GGTA1: variants seen among roughly 807,000 people sequenced by gnomAD.
GGTA1 encodes the protein glycoprotein alpha-galactosyltransferase 1 (inactive).
GGTA1 carries 5 observed loss-of-function variants against 2.6 expected under a neutral mutation model. The observed-to-expected ratio is 1.92, with a 90% confidence interval of 1.00 to 4.04. The LOEUF is 4.04. GGTA1 is among the 30% of genes most tolerant of loss of function. The probability of loss-of-function intolerance (pLI) is 0.00; values close to 1 mark genes in which losing one functional copy is unlikely to be tolerated. For missense variants in GGTA1, 50 were observed against 16.7 expected (o/e 2.99, Z -3.47); for synonymous variants, 17 against 5.0 (o/e 3.38, Z -3.19).
At chr9:121,475,756 G>A (rs1468543165) in intron 1 of GGTA1, among the ~76,000 whole-genome samples, 2 of 152,184 alleles carry the variant, frequency 1.3e-5, no homozygotes, top group Non-Finnish European at 2.9e-5. Flanking sequence ...CAAAGAGAAG[G>A]AAAACAGGTA....
rs139006533 is a variant in GGTA1, at chr9:121,498,459, C to A, written c.-10+1191G>T. Among the ~76,000 whole-genome samples the A allele has an allele frequency of 1.5e-4, 23 of 152,336 alleles. No homozygotes were observed. The East Asian group carries it at 3.5e-3, about 23-fold the overall frequency. On this transcript the variant is annotated intron_variant, in intron 1 of 5. Coordinates refer to ENST00000481799, the MANE Select transcript of GGTA1 (RefSeq NM_001382585.1). ...CAGCAGAATAACCCTGTCCTCCACA[C>A]CCCCCACTCCCAGAGCCCTCCTTCG...
chr9:121,459,617 C>T (rs970248156), intron 5 of GGTA1, among the ~76,000 whole-genome samples: 1 of 152,138 alleles, frequency 6.6e-6, no homozygotes, highest in Non-Finnish European at 1.5e-5. Flanking sequence ...TGGAGGTCCC[C>T]ACCTCCCCCA....
intron 1 of GGTA1, among the ~76,000 whole-genome samples, chr9:121,499,313 C>T (rs1829056867): frequency 6.6e-6 from 1 of 152,122 alleles, no homozygotes; most frequent in African/African-American, 2.4e-5. Flanking sequence ...TACTTGGTCG[C>T]ATCCTGTGTC....
At position 121,455,534 on chromosome 9, in the gene GGTA1, T is replaced by A. The variant is rs2064903977; in HGVS notation, c.*303A>T. The A allele has an allele frequency of 6.4e-6, 1 of 157,428 alleles. No homozygotes were observed. The highest frequency in any genetic ancestry group is 2.4e-5 in the African/African-American group (1 of 41,678). 9.8% of individuals were successfully genotyped at this position (157,428 alleles called of 1,614,324 possible). A position where few individuals can be genotyped will look rare whatever the true frequency, so the allele number is the denominator to read the frequency against. On this transcript the variant is annotated 3_prime_UTR_variant, in exon 6 of 6. Transcript: ENST00000481799. ...GTTATCATCATTCCCATTTTGCAGA[T>A]AAAGTGGAGGGTAGGAAAGAAGGAG...
intron 1 of GGTA1, among the ~76,000 whole-genome samples, chr9:121,482,763 C>T (rs1361853443): frequency 6.6e-6 from 1 of 151,624 alleles, no homozygotes; most frequent in Non-Finnish European, 1.5e-5. Context: ...AGCAAAACTC[C>T]ATCTCAAAAA....
intron 5 of GGTA1, among the ~76,000 whole-genome samples, chr9:121,456,659 AC>A (rs1451233787): frequency 1.3e-5 from 2 of 151,910 alleles, no homozygotes; most frequent in Non-Finnish European, 2.9e-5. Context: ...CAGGTGATCC[AC>A]CCACCTTGGC....
intron 1 of GGTA1, among the ~76,000 whole-genome samples, chr9:121,475,135 C>T (rs1828479928): frequency 6.6e-6 from 1 of 152,150 alleles, no homozygotes; most frequent in African/African-American, 2.4e-5. Flanking sequence ...TCATAAAGAC[C>T]TTGCTGGTAA....
rs1284582317 is a variant in GGTA1, at chr9:121,476,696, T to C, written c.-9-8765A>G. Among the ~76,000 whole-genome samples the C allele has an allele frequency of 1.3e-5, 2 of 152,132 alleles. No individual in the cohort carries two copies. Among genetic ancestry groups the C allele is most frequent in the Non-Finnish European group, 2.9e-5 (2 of 68,036 alleles). On this transcript the variant is annotated intron_variant, in intron 1 of 5. Coordinates refer to ENST00000481799, the MANE Select transcript of GGTA1 (RefSeq NM_001382585.1). The surrounding 1 kb of genome is among the most constrained non-coding windows in gnomAD (Gnocchi z 4.6). ...ATCATGCATAGGAACCACCAACCAA[T>C]ATGCGCTGAATGCAGAGGCTGACTT... is the stretch of plus-strand genomic sequence containing the variant.
chr9:121,495,732 A>G (rs1828977862), intron 1 of GGTA1, among the ~76,000 whole-genome samples: 1 of 152,176 alleles, frequency 6.6e-6, no homozygotes, highest in Non-Finnish European at 1.5e-5. Flanking sequence ...TTTAGCATGG[A>G]ACTAAACTCA....
intron 2 of GGTA1, among the ~76,000 whole-genome samples, chr9:121,466,680 T>C (rs973224676): frequency 2.0e-5 from 3 of 151,880 alleles, no homozygotes; most frequent in African/African-American, 7.3e-5. Flanking sequence ...AGGCCGGGCA[T>C]GGTGGCTCAC....
intron 1 of GGTA1, chr9:121,479,051 T>C (rs548674999): frequency 6.3e-4 from 287 of 456,184 alleles, no homozygotes; most frequent in Non-Finnish European, 9.0e-4. Context: ...GGGAGCAAAA[T>C]AAAGCTGAAC....
At chr9:121,473,102 TTGAGGTC>T (rs1387881777) in intron 1 of GGTA1, among the ~76,000 whole-genome samples, 1 of 151,938 alleles carries the variant, frequency 6.6e-6, no homozygotes, top group Non-Finnish European at 1.5e-5. Context: ...GGCGGATCAC[TTGAGGTC>T]AGGAGTTCGA....
chr9:121,451,531 A>G (rs1285882528), downstream of GGTA1, among the ~76,000 whole-genome samples: 1 of 152,194 alleles, frequency 6.6e-6, no homozygotes, highest in African/African-American at 2.4e-5. Flanking sequence ...TTTCTGCGTC[A>G]TATGTTCTGA....
intron 2 of GGTA1, among the ~76,000 whole-genome samples, chr9:121,464,014 C>A (rs532905364): frequency 6.6e-6 from 1 of 152,348 alleles, no homozygotes; most frequent in Admixed American, 6.5e-5. Context: ...ATAACCCTAC[C>A]TGGCACTCAG....
At chr9:121,470,953 T>C (rs1308053208) in intron 1 of GGTA1, among the ~76,000 whole-genome samples, 1 of 152,258 alleles carries the variant, frequency 6.6e-6, no homozygotes, top group African/African-American at 2.4e-5. Flanking sequence ...TCCCCTGTCT[T>C]GATAAATCAG....
intron 1 of GGTA1, among the ~76,000 whole-genome samples, chr9:121,470,900 G>A (rs1314493462): frequency 3.9e-5 from 6 of 152,258 alleles, no homozygotes; most frequent in South Asian, 2.1e-4. Flanking sequence ...TCAGTCTCCC[G>A]CATAGCGGGC....
chr9:121,493,222 T>G (rs933313130), intron 1 of GGTA1, among the ~76,000 whole-genome samples: 1 of 151,898 alleles, frequency 6.6e-6, no homozygotes, highest in Non-Finnish European at 1.5e-5. Flanking sequence ...TCACTCTCTC[T>G]GGCTGATTTC....
At chr9:121,451,878 G>C (rs764383737), downstream of GGTA1, 2 of 152,208 alleles carry the variant, frequency 1.3e-5, no homozygotes, top group Non-Finnish European at 2.9e-5. Flanking sequence ...TGTTGACCCT[G>C]GGCTTGGTGG....
At chr9:121,475,214 C>T (rs904845530) in intron 1 of GGTA1, among the ~76,000 whole-genome samples, 1 of 152,146 alleles carries the variant, frequency 6.6e-6, no homozygotes, top group Admixed American at 6.5e-5. Flanking sequence ...GACCTCTGGT[C>T]CTCCTCACTG....
Sources: allele counts gnomAD v4.1 joint callset (sites outside exome capture counted in the v4.1 genomes callset), GRCh38; gene constraint gnomAD v4.1.1; non-coding constraint Gnocchi (gnomAD v3.1); transcripts MANE v1.5; gene names NCBI Gene and HGNC (gene_info 2026-07-23, HGNC 2026-07-21).